TPRG1: variants seen among roughly 807,000 people sequenced by gnomAD.
The protein encoded by TPRG1 is tumor protein p63 regulated 1.
In TPRG1, 29 loss-of-function variants were observed where a neutral mutation model predicts 29.3. That is an observed-to-expected ratio of 0.99 (90% CI 0.74 to 1.35). The LOEUF (loss-of-function observed/expected upper bound fraction) is 1.35. Among genes scored for constraint, TPRG1 ranks in the 40% most tolerant of loss-of-function variants. TPRG1 has a pLI of 0.00. For missense variants in TPRG1, 327 were observed against 335.0 expected (o/e 0.98, Z 0.19); for synonymous variants, 130 against 116.8 (o/e 1.11, Z -0.73).
chr3:189,060,859 G>A (rs182565161), intron 4 of TPRG1, among the ~76,000 whole-genome samples: 1 of 152,180 alleles, frequency 6.6e-6, no homozygotes, highest in East Asian at 1.9e-4. Flanking sequence ...CATGAAAATG[G>A]CCATACTGCC....
intron 4 of TPRG1, among the ~76,000 whole-genome samples, chr3:189,302,968 C>G (rs915459122): frequency 6.6e-6 from 1 of 152,168 alleles, no homozygotes; most frequent in African/African-American, 2.4e-5. Context: ...GAGGAGACAG[C>G]TGACATAAGA....
intron 4 of TPRG1, among the ~76,000 whole-genome samples, chr3:189,270,751 T>C (rs112802367): frequency 2.6e-5 from 4 of 152,278 alleles, no homozygotes; most frequent in African/African-American, 9.6e-5. Context: ...ATTATGTCCA[T>C]TTGCAGCTGA....
chr3:189,147,096 G>A (rs1291900462), intron 3 of TPRG1, among the ~76,000 whole-genome samples: 1 of 152,186 alleles, frequency 6.6e-6, no homozygotes, highest in Non-Finnish European at 1.5e-5. Flanking sequence ...ACACAGCTGG[G>A]ATTTGAACCC....
chr3:189,071,621 C>T (rs1426240763), intron 4 of TPRG1, among the ~76,000 whole-genome samples: 2 of 152,172 alleles, frequency 1.3e-5, no homozygotes, highest in East Asian at 1.9e-4. Flanking sequence ...TGTGTGCATA[C>T]AGAGTAATAG....
intron 4 of TPRG1, among the ~76,000 whole-genome samples, chr3:189,046,938 A>G (rs1560413084): frequency 6.6e-6 from 1 of 152,182 alleles, no homozygotes; most frequent in Admixed American, 6.5e-5. Flanking sequence ...CAAAACGACA[A>G]CAATGAGTTC....
intron 4 of TPRG1, among the ~76,000 whole-genome samples, chr3:189,074,401 T>G (rs1717004123): frequency 6.6e-6 from 1 of 151,848 alleles, no homozygotes; most frequent in African/African-American, 2.4e-5. Context: ...GAGATGGGGT[T>G]TCACCGTGTT....
intron 1 of TPRG1, among the ~76,000 whole-genome samples, chr3:189,117,750 G>A (rs1721351947): frequency 6.6e-6 from 1 of 152,218 alleles, no homozygotes; most frequent in African/African-American, 2.4e-5. Flanking sequence ...GCCACCATGT[G>A]AAGAAGGTAC....
intron 1 of TPRG1, among the ~76,000 whole-genome samples, chr3:189,200,818 G>T (rs559809606): frequency 1.3e-5 from 2 of 152,182 alleles, no homozygotes; most frequent in Non-Finnish European, 2.9e-5. Flanking sequence ...AAAGGTGGAT[G>T]CTACAGTTTG....
intron 4 of TPRG1, among the ~76,000 whole-genome samples, chr3:189,049,393 C>T (rs374053796): frequency 2.4e-4 from 37 of 152,152 alleles, no homozygotes; most frequent in East Asian, 1.9e-3. Flanking sequence ...ACTTTCCTGA[C>T]GACCTTCATG....
chr3:189,316,789 C>A (rs1723604799), intron 5 of TPRG1, among the ~76,000 whole-genome samples: 1 of 152,180 alleles, frequency 6.6e-6, no homozygotes, highest in Non-Finnish European at 1.5e-5. Flanking sequence ...GAGGTGGGTG[C>A]ATAAAAGCTT....
In TPRG1 at chr3:189,187,446, A is replaced by G. The variant is rs189749688; in HGVS notation, c.-10+15315A>G. ...CTCAGCATCCTGAGTACCTGGGATT[A>G]CAGACCCCGCCACCACGCTCAGCTG... On this transcript the variant is annotated intron_variant, in intron 1 of 5. Coordinates refer to ENST00000345063, the MANE Select transcript of TPRG1 (RefSeq NM_198485.4). 1.1e-4 allele frequency among the ~76,000 whole-genome samples: 16 copies of G among 151,068 alleles called. No individual in the cohort carries two copies. The East Asian group carries it at 2.9e-3, about 28-fold the overall frequency.
chr3:189,264,575 A>G (rs141022513), intron 4 of TPRG1, among the ~76,000 whole-genome samples: 15 of 152,148 alleles, frequency 9.9e-5, no homozygotes, highest in Middle Eastern at 3.4e-3. Context: ...TATTAAAAAG[A>G]TTCAGCATGG....
intron 4 of TPRG1, among the ~76,000 whole-genome samples, chr3:189,300,159 A>G (rs904784796): frequency 6.6e-6 from 1 of 152,248 alleles, no homozygotes. Context: ...CTGTATAGCC[A>G]TAGGATACCA....
At chr3:189,070,291 T>C (rs776139772) in intron 4 of TPRG1, among the ~76,000 whole-genome samples, 1 of 152,042 alleles carries the variant, frequency 6.6e-6, no homozygotes, top group Non-Finnish European at 1.5e-5. Flanking sequence ...GGGGTGAGTA[T>C]CATTATGAAA....
At chr3:189,016,369 A>C (rs1418853704) in intron 3 of TPRG1, among the ~76,000 whole-genome samples, 2 of 151,996 alleles carry the variant, frequency 1.3e-5, no homozygotes, top group South Asian at 4.2e-4. Context: ...TCCCTTCTGT[A>C]TATGAGCCTC....
chr3:189,224,931 C>CTT lies in TPRG1; in HGVS notation c.302+9565_302+9566dup, dbSNP rs139957231. Among the ~76,000 whole-genome samples, 843 of 126,948 alleles carry CTT rather than the reference C, an allele frequency of 6.6e-3. 14 individuals carry two copies. The highest frequency in any genetic ancestry group is 0.022 in the African/African-American group (778 of 34,976). 83.3% of individuals were successfully genotyped at this position (126,948 alleles called of 152,430 possible). A position where few individuals can be genotyped will look rare whatever the true frequency, so the allele number is the denominator to read the frequency against. ...CACCTATAGGTGTCTCTTCCTTTTT[C>CTT]TTTTTTTTTTTTTTTTTTGAGACGG... On this transcript the variant is annotated intron_variant, in intron 3 of 5. Coordinates refer to ENST00000345063, the MANE Select transcript of TPRG1 (RefSeq NM_198485.4).
chr3:189,038,855 C>G (rs1206726151), intron 4 of TPRG1, among the ~76,000 whole-genome samples: 1 of 149,902 alleles, frequency 6.7e-6, no homozygotes, highest in Non-Finnish European at 1.5e-5. Context: ...TACTTACATG[C>G]TCATGAAGAC....
At chr3:189,139,171 C>G (rs1004282962) in intron 3 of TPRG1, among the ~76,000 whole-genome samples, 18 of 152,208 alleles carry the variant, frequency 1.2e-4, no homozygotes, top group African/African-American at 4.3e-4. Context: ...TGAAAATTAT[C>G]CCTGTTTTAG....
chr3:189,288,564 C>T (rs1484501658), intron 4 of TPRG1, among the ~76,000 whole-genome samples: 1 of 152,214 alleles, frequency 6.6e-6, no homozygotes, highest in African/African-American at 2.4e-5. Flanking sequence ...CCTTTGCATT[C>T]TATCTCTTCT....
Sources: gnomAD v4.1 joint callset for allele counts (sites outside exome capture counted in the v4.1 genomes callset) on GRCh38, gnomAD v4.1.1 for gene constraint, MANE v1.5 for transcripts, NCBI Gene and HGNC (gene_info 2026-07-23, HGNC 2026-07-21) for gene names.